The following SERPINI1 variants were observed in gnomAD, a reference collection of about 807,000 sequenced individuals.
SERPINI1 encodes serpin family I member 1, also known as neuroserpin.
Under a neutral mutation model 41.1 loss-of-function variants are expected in SERPINI1, and 19 were observed. The ratio of observed to expected loss-of-function variants is 0.46; its 90% confidence interval spans 0.32 to 0.68. The LOEUF (loss-of-function observed/expected upper bound fraction) is 0.68, where lower values mean the gene tolerates loss of function less well. SERPINI1 is among the 30% of genes least tolerant of loss of function. The pLI is 0.03. For synonymous variants in SERPINI1, 138 were observed against 156.6 expected, an observed-to-expected ratio of 0.88 and a Z score of 0.89; for missense variants, 460 against 479.2, an observed-to-expected ratio of 0.96 and a Z score of 0.37.
chr3:167,806,532 A>G (rs1223499888), intron 5 of SERPINI1, among the ~76,000 whole-genome samples: 1 of 152,172 alleles, frequency 6.6e-6, no homozygotes, highest in African/African-American at 2.4e-5. Flanking sequence ...TTTTTAAGAT[A>G]TAATGTTTAA....
chr3:167,815,684 C>G (rs776025072), intron 6 of SERPINI1, among the ~76,000 whole-genome samples: 1 of 152,106 alleles, frequency 6.6e-6, no homozygotes, highest in African/African-American at 2.4e-5. Context: ...GCCACTATGC[C>G]CGGCCTTCTT....
intron 1 of SERPINI1, among the ~76,000 whole-genome samples, chr3:167,764,708 C>G (rs1314517666): frequency 6.6e-6 from 1 of 152,210 alleles, no homozygotes; most frequent in Non-Finnish European, 1.5e-5. Context: ...CCACAATCCA[C>G]AGTCTCATCT....
chr3:167,793,596 A>ATATATATTTTTTTTT, intron 4 of SERPINI1, among the ~76,000 whole-genome samples: 19 of 140,604 alleles, frequency 1.4e-4, no homozygotes, highest in African/African-American at 4.1e-4. Flanking sequence ...ATATATATAT[A>ATATATATTTTTTTTT]TTTTTAATTA....
intron 6 of SERPINI1, among the ~76,000 whole-genome samples, chr3:167,808,724 G>T (rs1356161707): frequency 6.6e-6 from 1 of 152,164 alleles, no homozygotes; most frequent in Non-Finnish European, 1.5e-5. Flanking sequence ...CCCATAGACT[G>T]AATTCAGAGA....
At chr3:167,776,906 G>A (rs1484066543) in intron 1 of SERPINI1, among the ~76,000 whole-genome samples, 1 of 152,218 alleles carries the variant, frequency 6.6e-6, no homozygotes, top group Non-Finnish European at 1.5e-5. Flanking sequence ...CCTCTGAACT[G>A]TCTTCAGGCC....
At chr3:167,738,624 T>C (rs1459716098) in intron 1 of SERPINI1, among the ~76,000 whole-genome samples, 2 of 151,958 alleles carry the variant, frequency 1.3e-5, no homozygotes, top group East Asian at 3.9e-4. Context: ...TAGAGGCCTG[T>C]ATTCATACTG....
intron 6 of SERPINI1, among the ~76,000 whole-genome samples, chr3:167,810,025 C>T (rs1711811705): frequency 6.6e-6 from 1 of 152,066 alleles, no homozygotes; most frequent in South Asian, 2.1e-4. Context: ...TGCCATCCAC[C>T]CTAACCAATA....
chr3:167,759,010 C>T (rs546210759), intron 1 of SERPINI1, among the ~76,000 whole-genome samples: 1 of 151,980 alleles, frequency 6.6e-6, no homozygotes, highest in African/African-American at 2.4e-5. Context: ...TTTTATGATC[C>T]ACATTAGACA....
At position 167,805,706 on chromosome 3, in the gene SERPINI1, T is replaced by G. The variant is rs2108566388; in HGVS notation, c.882-1538T>G. ...TTTAAGTCTTTAATCCATCTTGAGTTAATTTTTGTATAAGTTGTTAAGGAA... is the reference window on the plus strand; with the variant it reads ...TTTAAGTCTTTAATCCATCTTGAGTGAATTTTTGTATAAGTTGTTAAGGAA... On this transcript the variant is annotated intron_variant, in intron 5 of 8. Coordinates refer to ENST00000446050, the MANE Select transcript of SERPINI1 (RefSeq NM_001122752.2). 1.3e-5 allele frequency among the ~76,000 whole-genome samples: 2 copies of G among 152,344 alleles called. 1 individual carries two copies. Among genetic ancestry groups the G allele is most frequent in the South Asian group, 4.1e-4 (2 of 4,824 alleles).
At chr3:167,793,596 A>ATATATATATTTTTTTTTTTTT in intron 4 of SERPINI1, among the ~76,000 whole-genome samples, 1 of 140,610 alleles carries the variant, frequency 7.1e-6, no homozygotes, top group African/African-American at 2.7e-5. Context: ...ATATATATAT[A>ATATATATATTTTTTTTTTTTT]TTTTTAATTA....
intron 1 of SERPINI1, among the ~76,000 whole-genome samples, chr3:167,764,437 A>G (rs1376796247): frequency 6.6e-6 from 1 of 152,136 alleles, no homozygotes; most frequent in South Asian, 2.1e-4. Context: ...TCCTCTTTTT[A>G]AAACTATCAG....
chr3:167,805,501 C>T (rs368604721), intron 5 of SERPINI1, among the ~76,000 whole-genome samples: 262 of 152,296 alleles, frequency 1.7e-3, no homozygotes, highest in African/African-American at 5.9e-3. Context: ...CTTGTTCACT[C>T]TGATGGTAGT....
In SERPINI1 at chr3:167,772,667, C is replaced by G. The variant is rs368657485; in HGVS notation, c.-18-16444C>G. ...TAATTCATTTATGGACATGTCTTAT[C>G]TCCATGACAGTCTCTGACACATACC... On this transcript the variant is annotated intron_variant, in intron 1 of 8. Coordinates refer to ENST00000446050, the MANE Select transcript of SERPINI1 (RefSeq NM_001122752.2). 4.3e-4 allele frequency among the ~76,000 whole-genome samples: 65 copies of G among 151,416 alleles called. 1 individual carries two copies. The highest frequency in any genetic ancestry group is 1.5e-3 in the African/African-American group (62 of 41,252).
intron 1 of SERPINI1, among the ~76,000 whole-genome samples, chr3:167,770,316 ATCT>A (rs1726707742): frequency 6.6e-6 from 1 of 152,002 alleles, no homozygotes; most frequent in Admixed American, 6.6e-5. Flanking sequence ...GTACAAAGTA[ATCT>A]TCTTTATTGA....
intron 1 of SERPINI1, among the ~76,000 whole-genome samples, chr3:167,739,398 A>G (rs1201638913): frequency 6.6e-6 from 1 of 152,204 alleles, no homozygotes; most frequent in Non-Finnish European, 1.5e-5. Context: ...TTGCTTACAC[A>G]TTAGTCCTTC....
intron 4 of SERPINI1, 39 bp from the exon 5 acceptor site, chr3:167,794,581 T>C (rs1727650966): frequency 6.3e-7 from 1 of 1,581,548 alleles, no homozygotes; most frequent in African/African-American, 1.3e-5. Flanking sequence ...TTTTTTAAGC[T>C]TTGATAGGCA....
intron 6 of SERPINI1, among the ~76,000 whole-genome samples, chr3:167,820,027 G>C (rs148664878): frequency 1.3e-5 from 2 of 152,324 alleles, no homozygotes; most frequent in African/African-American, 4.8e-5. Context: ...TAGGGCTGCT[G>C]TAACAAGTAA....
At chr3:167,774,823 G>C (rs968445967) in intron 1 of SERPINI1, among the ~76,000 whole-genome samples, 1 of 151,996 alleles carries the variant, frequency 6.6e-6, no homozygotes, top group Admixed American at 6.6e-5. Context: ...CCTGTCCCTG[G>C]TGCCCAAAAG....
intron 5 of SERPINI1, chr3:167,800,222 C>T (rs1344679852): frequency 6.6e-6 from 1 of 152,026 alleles, no homozygotes; most frequent in Non-Finnish European, 1.5e-5. Flanking sequence ...CCAGATCCTT[C>T]CATTTATCCA....
Sources: gnomAD v4.1 joint callset for allele counts (sites outside exome capture counted in the v4.1 genomes callset) on GRCh38, gnomAD v4.1.1 for gene constraint, MANE v1.5 for transcripts, NCBI Gene and HGNC (gene_info 2026-07-23, HGNC 2026-07-21) for gene names.